LRRC7: variants seen among roughly 807,000 people sequenced by gnomAD.
The protein encoded by LRRC7 is leucine-rich repeat-containing protein 7.
In LRRC7, 23 loss-of-function variants were observed where a neutral mutation model predicts 175.7. The observed-to-expected ratio is 0.13, with a 90% CI of 0.09 to 0.19. The LOEUF is 0.19. Among genes scored for constraint, LRRC7 ranks in the 10% least tolerant of loss-of-function variants. LRRC7 has a pLI of 1.00. For synonymous variants in LRRC7, 685 were observed against 680.9 expected, an observed-to-expected ratio of 1.01 and a Z score of -0.09; for missense variants, 1,354 against 1,904.7, an observed-to-expected ratio of 0.71 and a Z score of 5.38.
chr1:69,914,834 T>C (rs896144453), intron 7 of LRRC7, among the ~76,000 whole-genome samples: 4 of 152,140 alleles, frequency 2.6e-5, no homozygotes, highest in Non-Finnish European at 5.9e-5. Context: ...AATGGTAGAA[T>C]TGAGTAGAGA....
chr1:70,077,981 A>G (rs1662908797), intron 24 of LRRC7, among the ~76,000 whole-genome samples: 1 of 152,172 alleles, frequency 6.6e-6, no homozygotes, highest in Admixed American at 6.5e-5. Flanking sequence ...ACTTAAATAT[A>G]ACACCTTTTG....
Position 69,999,767 on chromosome 1 carries a change from CA to C in LRRC7, c.1004+5135del, listed in dbSNP as rs530796392. Among the ~76,000 whole-genome samples the C allele has an allele frequency of 2.1e-3, 326 of 152,210 alleles. 3 individuals are homozygous for C. Among genetic ancestry groups the C allele is most frequent in the African/African-American group, 7.3e-3 (302 of 41,542 alleles). On this transcript the variant is annotated intron_variant, in intron 11 of 26. Transcript: ENST00000651989. ...GAACTGTGATTTATAGGAGAAAAAG[CA>C]GAAGAAATTTGGGATGTACATCTTC...
chr1:70,029,482 C>T (rs934631119), intron 18 of LRRC7, among the ~76,000 whole-genome samples: 2 of 147,802 alleles, frequency 1.4e-5, no homozygotes, highest in African/African-American at 5.0e-5. Context: ...GGGAATACAG[C>T]TAGATTTCTA....
At chr1:70,024,035 G>A (rs1178608781) in intron 17 of LRRC7, among the ~76,000 whole-genome samples, 2 of 151,974 alleles carry the variant, frequency 1.3e-5, no homozygotes, top group East Asian at 1.9e-4. Context: ...TGCATGTCTT[G>A]TAAACTTTAC....
rs1053800072 is a variant in LRRC7, at chr1:69,687,364, G to A, written c.100+8886G>A. Among the ~76,000 whole-genome samples, 4 of 151,780 alleles carry A rather than the reference G, an allele frequency of 2.6e-5. No homozygotes were observed. In the South Asian group the frequency reaches 8.3e-4, roughly 32 times the overall value. On this transcript the variant is annotated intron_variant, in intron 2 of 26. Coordinates refer to ENST00000651989, the MANE Select transcript of LRRC7 (RefSeq NM_001370785.2). ...TATCTACAAAAATACAAAAAAATTA[G>A]CTGGGTGTGGTGGCACACGCCTGTA...
intron 22 of LRRC7, 91 bp from the exon 23 acceptor site, chr1:70,052,935 A>G (rs1660855632): frequency 1.5e-6 from 2 of 1,323,508 alleles, no homozygotes; most frequent in Admixed American, 5.3e-5. Context: ...AAACAAAATT[A>G]ATTTTACCAT....
chr1:70,096,024 C>G (rs1019226761), intron 25 of LRRC7, among the ~76,000 whole-genome samples: 7 of 151,984 alleles, frequency 4.6e-5, no homozygotes, highest in Non-Finnish European at 8.8e-5. Flanking sequence ...GTCGCCCAGG[C>G]TGGAGTGCAG....
chr1:69,765,820 A>G (rs930638086), intron 3 of LRRC7, among the ~76,000 whole-genome samples: 15 of 152,082 alleles, frequency 9.9e-5, no homozygotes, highest in African/African-American at 3.1e-4. Flanking sequence ...CAGACATTCT[A>G]TCTAGACTCC....
chr1:69,717,587 G>C (rs1665519681), intron 2 of LRRC7, among the ~76,000 whole-genome samples: 1 of 151,512 alleles, frequency 6.6e-6, no homozygotes, highest in South Asian at 2.1e-4. Context: ...CTTATCCTAT[G>C]AGGGGGTGGA....
intron 1 of LRRC7, among the ~76,000 whole-genome samples, chr1:69,673,790 T>A (rs566158330): frequency 3.9e-5 from 6 of 152,276 alleles, no homozygotes; most frequent in Admixed American, 2.0e-4. Flanking sequence ...GTATTTTTTT[T>A]ATATTTTCAC....
intron 3 of LRRC7, among the ~76,000 whole-genome samples, chr1:69,787,850 T>C (rs1674660922): frequency 6.6e-6 from 1 of 152,154 alleles, no homozygotes; most frequent in Non-Finnish European, 1.5e-5. Flanking sequence ...TATGTGAGAA[T>C]TGTGGGAGCC....
In LRRC7 at chr1:69,756,008, C is replaced by G. The variant is rs985679416; in HGVS notation, c.101-4183C>G. Among the ~76,000 whole-genome samples the G allele has an allele frequency of 2.6e-5, 4 of 151,814 alleles. No individual in the cohort carries two copies. The South Asian group carries it at 6.2e-4, about 24-fold the overall frequency. On this transcript the variant is annotated intron_variant, in intron 2 of 26. Coordinates refer to ENST00000651989, the MANE Select transcript of LRRC7 (RefSeq NM_001370785.2). ...AGCAGAAAGTAGAACTCAAATAACA[C>G]AGGGACCAAGGGGAAAAAGACAGAA...
chr1:70,087,708 A>T (rs999512942), intron 24 of LRRC7, among the ~76,000 whole-genome samples: 1 of 152,198 alleles, frequency 6.6e-6, no homozygotes, highest in Non-Finnish European at 1.5e-5. Context: ...TCTTTAAAAT[A>T]AAATAAGGGA....
At chr1:69,944,166 G>A (rs960848437) in intron 8 of LRRC7, among the ~76,000 whole-genome samples, 1 of 151,952 alleles carries the variant, frequency 6.6e-6, no homozygotes, top group African/African-American at 2.4e-5. Flanking sequence ...CCACCATTCT[G>A]CTTTCTGCTT....
chr1:69,870,131 G>T (rs777143646), intron 7 of LRRC7, among the ~76,000 whole-genome samples: 1 of 152,108 alleles, frequency 6.6e-6, no homozygotes, highest in Non-Finnish European at 1.5e-5. Context: ...ATGAATGGTT[G>T]GTGAGGAAGT....
intron 2 of LRRC7, among the ~76,000 whole-genome samples, chr1:69,740,458 A>G (rs1344432818): frequency 6.6e-6 from 1 of 152,080 alleles, no homozygotes; most frequent in Admixed American, 6.6e-5. Context: ...AATTAAATTT[A>G]AAGGAGTTTA....
chr1:70,110,839 AT>A, intron 26 of LRRC7, among the ~76,000 whole-genome samples: 1 of 152,192 alleles, frequency 6.6e-6, no homozygotes, highest in Non-Finnish European at 1.5e-5. Context: ...TAATTCTAAA[AT>A]GAAATTGTTT....
chr1:69,609,394 A>T (rs1359976192), intron 1 of LRRC7, among the ~76,000 whole-genome samples: 1 of 152,096 alleles, frequency 6.6e-6, no homozygotes, highest in African/African-American at 2.4e-5. Flanking sequence ...GAGATGAAAT[A>T]AATTTATTAG....
chr1:70,105,458 A>C (rs1361710636), intron 25 of LRRC7, among the ~76,000 whole-genome samples: 1 of 152,224 alleles, frequency 6.6e-6, no homozygotes. Context: ...TACCACTGTT[A>C]ATGTTTAGAA....
Sources: allele counts gnomAD v4.1 joint callset (sites outside exome capture counted in the v4.1 genomes callset), GRCh38; gene constraint gnomAD v4.1.1; transcripts MANE v1.5; gene names NCBI Gene and HGNC (gene_info 2026-07-23, HGNC 2026-07-21).